SLC43A2: variants seen among roughly 807,000 people sequenced by gnomAD.
SLC43A2 encodes the protein solute carrier family 43 member 2, also known as large neutral amino acids transporter small subunit 4.
A neutral mutation model predicts 63.2 loss-of-function variants in SLC43A2; 38 were observed. The observed-to-expected ratio is 0.60, with a 90% CI of 0.46 to 0.79. SLC43A2 has a LOEUF of 0.79. Among genes scored for constraint, SLC43A2 ranks in the 30% least tolerant of loss-of-function variants. The pLI, the probability that SLC43A2 is intolerant of heterozygous loss-of-function variation, is 0.00. For synonymous variants in SLC43A2, 322 were observed against 331.0 expected (o/e 0.97, Z 0.30); for missense variants, 644 against 756.2 (o/e 0.85, Z 1.74).
At position 1,602,758 on chromosome 17, in the gene SLC43A2, G is replaced by GTT. The variant is rs555244484; in HGVS notation, c.502-9481_502-9480dup. Among the ~76,000 whole-genome samples the GTT allele has an allele frequency of 7.9e-3, 1,062 of 135,020 alleles. 25 individuals carry two copies. The highest frequency in any genetic ancestry group is 0.026 in the African/African-American group (951 of 36,780). The allele number at this position is 135,020 out of a possible 152,430, so 88.6% of individuals were successfully genotyped here. On this transcript the variant is annotated intron_variant, in intron 5 of 13. Transcript: ENST00000301335. Reference sequence around the variant, plus strand: ...TAATTCATGGTGTTTTGTTTTTTCAGTTTTTTTTTTTTTTTTTGAGATGGA... The same window carrying GTT: ...TAATTCATGGTGTTTTGTTTTTTCAGTTTTTTTTTTTTTTTTTTTGAGATGGA...
chr17:1,621,665 T>C (rs1567649457), intron 2 of SLC43A2, among the ~76,000 whole-genome samples: 1 of 152,184 alleles, frequency 6.6e-6, no homozygotes, highest in Non-Finnish European at 1.5e-5. Context: ...TCAACGGGTG[T>C]GCCCACGCCC....
Position 1,591,660 on chromosome 17 carries a change from C to T in SLC43A2, c.634G>A (p.Val212Met), listed in dbSNP as rs151213453. The T allele has an allele frequency of 6.5e-5, 100 of 1,539,306 alleles. No individual in the cohort carries two copies. The African/African-American group carries it at 1.0e-3, about 16-fold the overall frequency. Residue 212 changes from valine (V) to methionine (M), a missense_variant, in exon 7 of 14, where the codon GTG becomes ATG. Val to Met is a conservative substitution (Grantham distance 21, BLOSUM62 1). This residue lies in a region of SLC43A2 where 528 missense variants were observed against 623.6 expected (regional missense o/e 0.85). Coordinates refer to ENST00000301335, the MANE Select transcript of SLC43A2 (RefSeq NM_152346.3). Reference protein sequence around the residue: ...DAGVSFIVVLVVWAGCSGLVF... With the variant: ...DAGVSFIVVLMVWAGCSGLVF... Reference sequence around the variant, plus strand: ...AGCCCGGAGCAGCCGGCCCAGACCACGAGGACGACGATGAAGGAGACACCA... The same window carrying T: ...AGCCCGGAGCAGCCGGCCCAGACCATGAGGACGACGATGAAGGAGACACCA...
rs1454658219 is a variant in SLC43A2, at chr17:1,572,381, G to A, written c.*3223C>T. The A allele has an allele frequency of 2.6e-5, 4 of 152,004 alleles. No homozygotes were observed. Among genetic ancestry groups the A allele is most frequent in the Admixed American group, 2.6e-4 (4 of 15,238 alleles). 9.4% of individuals were successfully genotyped at this position (152,004 alleles called of 1,614,324 possible). A position where few individuals can be genotyped will look rare whatever the true frequency, so the allele number is the denominator to read the frequency against. The stretch of plus-strand genomic sequence containing the variant: ...GGTCTAGAGGCCCTTGGCTGCTCCA[G>A]TGTCTTAAGACCCATATATGAGTGC... On this transcript the variant is annotated 3_prime_UTR_variant, in exon 14 of 14. Coordinates refer to ENST00000301335, the MANE Select transcript of SLC43A2 (RefSeq NM_152346.3).
At chr17:1,610,035 A>G (rs1906957268) in intron 5 of SLC43A2, among the ~76,000 whole-genome samples, 1 of 151,846 alleles carries the variant, frequency 6.6e-6, no homozygotes, top group Non-Finnish European at 1.5e-5. Flanking sequence ...TCAGTCTCCC[A>G]AGTAGCTGGG....
chr17:1,572,426 G>A lies in SLC43A2; in HGVS notation c.*3178C>T, dbSNP rs1404349526. 2.0e-5 allele frequency: 3 copies of A among 152,398 alleles called. No homozygotes were observed. Among genetic ancestry groups the A allele is most frequent in the Non-Finnish European group, 4.4e-5 (3 of 68,202 alleles). The allele number at this position is 152,398 out of a possible 1,614,324, so 9.4% of individuals were successfully genotyped here. A position where few individuals can be genotyped will look rare whatever the true frequency, so the allele number is the denominator to read the frequency against. ...GAGTGCTGGCTCTGACCTTGAACAA[G>A]CTCCTCCATCGCTCCAGGCCTCGTT... On this transcript the variant is annotated 3_prime_UTR_variant, in exon 14 of 14. Transcript: ENST00000301335.
At chr17:1,615,649 C>T (rs1050413228) in intron 3 of SLC43A2, among the ~76,000 whole-genome samples, 15 of 150,168 alleles carry the variant, frequency 1.0e-4, no homozygotes, top group African/African-American at 2.2e-4. Context: ...CGAGACCATC[C>T]TGGCTAACAC....
Position 1,616,681 on chromosome 17 carries a change from G to T in SLC43A2, c.249C>A (p.Ala83=), listed in dbSNP as rs753174837. ...SWMNGWLSCQ[A]QDEMLNLAFT... is the part of the protein sequence containing the mutation. ...AGGCCAAATTTAGCATCTCGTCCTG[G>T]GCCTGGCAGCTGAGCCAGCCGTTCA... is the stretch of plus-strand genomic sequence containing the variant. Residue 83 remains alanine (A), a synonymous_variant, in exon 3 of 14, where the codon GCC becomes GCA. Transcript: ENST00000301335. The T allele has an allele frequency of 1.1e-5, 17 of 1,613,988 alleles. No homozygotes were observed. The highest frequency in any genetic ancestry group is 8.5e-7 in the Non-Finnish European group (1 of 1,180,036).
rs200054105 is a variant in SLC43A2, at chr17:1,625,137, GGA to G, written c.160+2576_160+2577del. On this transcript the variant is annotated intron_variant, in intron 2 of 13. Transcript: ENST00000301335. Reference sequence around the variant, plus strand: ...GGGAGGCATCCAGCAGCCAACACCTGGAGGACGTTGTGCAAAACCCATTGCCA... The same window carrying G: ...GGGAGGCATCCAGCAGCCAACACCTGGGACGTTGTGCAAAACCCATTGCCA... 8.5e-3 allele frequency among the ~76,000 whole-genome samples: 1,288 copies of G among 152,278 alleles called. 10 individuals carry two copies. Among genetic ancestry groups the G allele is most frequent in the Middle Eastern group, 0.014 (4 of 294 alleles).
rs111735177 is a variant in SLC43A2 at position 1,589,311 on chromosome 17, G to A, written c.1078+1491C>T. 1.0e-3 allele frequency among the ~76,000 whole-genome samples: 156 copies of A among 152,270 alleles called. 1 individual carries two copies. The highest frequency in any genetic ancestry group is 1.9e-3 in the Non-Finnish European group (131 of 68,022). ...TTGGGGTTTCCGCCACTCCAGGGCT[G>A]AATGTTTATCAGGCTGGGTGTGGAG... On this transcript the variant is annotated intron_variant, in intron 9 of 13. Coordinates refer to ENST00000301335, the MANE Select transcript of SLC43A2 (RefSeq NM_152346.3).
intron 2 of SLC43A2, among the ~76,000 whole-genome samples, chr17:1,621,216 G>A (rs1366555533): frequency 6.6e-6 from 1 of 152,182 alleles, no homozygotes; most frequent in Non-Finnish European, 1.5e-5. Flanking sequence ...GGCCCCCCAG[G>A]CTCCCCTGAG....
At chr17:1,579,917 G>A (rs1307292644) in intron 11 of SLC43A2, among the ~76,000 whole-genome samples, 1 of 151,682 alleles carries the variant, frequency 6.6e-6, no homozygotes, top group Non-Finnish European at 1.5e-5. Context: ...ACTAGAGCCT[G>A]TGCACGCATC....
At position 1,575,863 on chromosome 17, in the gene SLC43A2, G is replaced by C. The variant is rs963713508; in HGVS notation, c.1549-98C>G. 10 of 1,355,310 alleles carry C rather than the reference G, an allele frequency of 7.4e-6. No individual in the cohort carries two copies. The African/African-American group carries it at 1.0e-4, about 14-fold the overall frequency. The allele number at this position is 1,355,310 out of a possible 1,614,324, so 84.0% of individuals were successfully genotyped here. On this transcript the variant is annotated intron_variant, in intron 13 of 13. Transcript: ENST00000301335. ...GGTTTGGGAAAGGGGAGAAGGTCAC[G>C]GGGTGGAAGGGGGAACGAAACAGGA... is the stretch of plus-strand genomic sequence containing the variant.
In SLC43A2 at chr17:1,576,221, T is replaced by C. The variant is rs187380404; in HGVS notation, c.1548+376A>G. Among the ~76,000 whole-genome samples the C allele has an allele frequency of 7.4e-3, 1,125 of 152,064 alleles. 18 individuals carry two copies. Among genetic ancestry groups the C allele is most frequent in the African/African-American group, 0.026 (1,071 of 41,488 alleles). ...GTCTCAGCCTCCCGAGTATCTGGGA[T>C]TACAGGCACCTGCCACCACACCTGG... On this transcript the variant is annotated intron_variant, in intron 13 of 13. Coordinates refer to ENST00000301335, the MANE Select transcript of SLC43A2 (RefSeq NM_152346.3).
chr17:1,582,131 G>C (rs765433386), intron 11 of SLC43A2, among the ~76,000 whole-genome samples: 4 of 151,698 alleles, frequency 2.6e-5, no homozygotes, highest in Non-Finnish European at 4.4e-5. Flanking sequence ...CCAGGCTGGA[G>C]TGCAGTGGCG....
chr17:1,581,202 C>CCACACACACA (rs376885169), intron 11 of SLC43A2, among the ~76,000 whole-genome samples: 1,823 of 148,420 alleles, frequency 0.012, 12 homozygotes, highest in Middle Eastern at 0.027. Context: ...TGCCCAGTGC[C>CCACACACACA]CACACACACA....
Position 1,627,836 on chromosome 17 carries a change from C to T in SLC43A2, c.39G>A (p.Trp13Ter). The part of the protein sequence containing the change: ...PTLATAHRRR[W>*]WMACTAVLEN... ...CCAGCACGGCCGTGCAGGCCATCCA[C>T]CAGCGGCGCCGATGGGCAGTGGCCA... The change falls in exon 2 of 14, where the codon TGG becomes TGA. Residue 13 changes from tryptophan (W) to a stop codon, truncating the protein, a stop_gained. Coordinates refer to ENST00000301335, the MANE Select transcript of SLC43A2 (RefSeq NM_152346.3). LOFTEE classifies it high-confidence loss of function. 6.3e-7 allele frequency: 1 copy of T among 1,589,034 alleles called. No individual in the cohort carries two copies. Among genetic ancestry groups the T allele is most frequent in the Non-Finnish European group, 8.6e-7 (1 of 1,168,036 alleles).
intron 2 of SLC43A2, among the ~76,000 whole-genome samples, chr17:1,626,769 C>T (rs1226329123): frequency 2.0e-5 from 3 of 152,182 alleles, no homozygotes; most frequent in Admixed American, 2.0e-4. Flanking sequence ...CTAGCACTGG[C>T]GACAGGGATT....
chr17:1,612,931 C>A (rs1048029464), intron 5 of SLC43A2, among the ~76,000 whole-genome samples: 93 of 151,992 alleles, frequency 6.1e-4, no homozygotes, highest in Non-Finnish European at 1.1e-3. Flanking sequence ...GAGATCCCCC[C>A]ACTGCACTCC....
At position 1,627,704 on chromosome 17, in the gene SLC43A2, G is replaced by T. The variant is rs777045540; in HGVS notation, c.160+11C>A. On this transcript the variant is annotated intron_variant, in intron 2 of 13. Transcript: ENST00000301335. ...CCAGGAGCCCCCCGCAACCCCAGGC[G>T]CTTGTCTCACCTGGCTCGGTACACA... 9 of 1,261,158 alleles carry T rather than the reference G, an allele frequency of 7.1e-6. No homozygotes were observed. The East Asian group carries it at 2.5e-4, about 35-fold the overall frequency. 78.1% of individuals were successfully genotyped at this position (1,261,158 alleles called of 1,614,324 possible). A position where few individuals can be genotyped will look rare whatever the true frequency, so the allele number is the denominator to read the frequency against.
Sources: gnomAD v4.1 joint callset for allele counts (sites outside exome capture counted in the v4.1 genomes callset) on GRCh38, gnomAD v4.1.1 for gene constraint, gnomAD v4.1.1 regional missense constraint, MANE v1.5 for transcripts, NCBI Gene and HGNC (gene_info 2026-07-23, HGNC 2026-07-21) for gene names.